The following PMEPA1 variants were observed in gnomAD, a reference collection of about 807,000 sequenced individuals.
PMEPA1 encodes prostate transmembrane protein, androgen induced 1.
A neutral mutation model predicts 23.0 loss-of-function variants in PMEPA1; 11 were observed. That is an observed-to-expected ratio of 0.48 (90% CI 0.30 to 0.79). The LOEUF is 0.79. PMEPA1 is among the 30% of genes least tolerant of loss of function. PMEPA1 has a pLI of 0.06. For synonymous variants in PMEPA1, 204 were observed against 166.4 expected, an observed-to-expected ratio of 1.23 and a Z score of -1.74; for missense variants, 377 against 390.9, an observed-to-expected ratio of 0.96 and a Z score of 0.30.
chr20:57,659,513 AG>A (rs1339835200), intron 2 of PMEPA1, 29 bp downstream of exon 2: 6 of 1,606,614 alleles, frequency 3.7e-6, no homozygotes, highest in Non-Finnish European at 5.1e-6. Flanking sequence ...CCGCACCCTC[AG>A]GCCACAGATG....
In PMEPA1 at chr20:57,648,647, G is replaced by A. The variant is rs983339176; in HGVS notation, c.*3406C>T. On this transcript the variant is annotated 3_prime_UTR_variant, in exon 4 of 4. Coordinates refer to ENST00000341744, the MANE Select transcript of PMEPA1 (RefSeq NM_020182.5). The stretch of plus-strand genomic sequence containing the variant: ...AGCAGTTCCCACGCCAGGAACCAAC[G>A]TGAAAGCATTGGAATCAGCACAACA... The A allele has an allele frequency of 5.9e-5, 9 of 152,452 alleles. No individual in the cohort carries two copies. Among genetic ancestry groups the A allele is most frequent in the African/African-American group, 2.2e-4 (9 of 41,552 alleles). 9.4% of individuals were successfully genotyped at this position (152,452 alleles called of 1,614,324 possible).
chr20:57,689,371 T>G (rs955471898), intron 1 of PMEPA1, among the ~76,000 whole-genome samples: 1 of 152,160 alleles, frequency 6.6e-6, no homozygotes, highest in Non-Finnish European at 1.5e-5. Flanking sequence ...GGGTATTGTG[T>G]GACCAGGACA....
At chr20:57,700,290 T>C (rs2071994036) in intron 1 of PMEPA1, 1 of 374,928 alleles carries the variant, frequency 2.7e-6, no homozygotes, top group South Asian at 2.0e-5. Context: ...AGGTACACAA[T>C]AACTCCACTT....
chr20:57,654,160 G>A (rs570661548), intron 2 of PMEPA1, among the ~76,000 whole-genome samples: 1 of 152,284 alleles, frequency 6.6e-6, no homozygotes, highest in Non-Finnish European at 1.5e-5. Context: ...CAGTTCCTCT[G>A]AGTTTCCCCA....
chr20:57,659,619 C>T lies in PMEPA1; in HGVS notation c.188G>A (p.Ser63Asn), dbSNP rs2071382286. ...VMVVVITCLLSHYKLSARSFI... is the reference protein window; with the variant it reads ...VMVVVITCLLNHYKLSARSFI... ...GGACCGTGCAGACAGCTTGTAGTGGCTCAGCAGGCACGTGATCACCACCAC... is the reference window on the plus strand; with the variant it reads ...GGACCGTGCAGACAGCTTGTAGTGGTTCAGCAGGCACGTGATCACCACCAC... Residue 63 changes from serine to asparagine, a missense_variant, in exon 2 of 4, where the codon AGC (serine) becomes AAC (asparagine). Ser to Asn is a conservative substitution (Grantham distance 46). Transcript: ENST00000341744. 6.2e-7 allele frequency: 1 copy of T among 1,613,086 alleles called. No homozygotes were observed. Among genetic ancestry groups the T allele is most frequent in the Non-Finnish European group, 8.5e-7 (1 of 1,179,692 alleles).
intron 1 of PMEPA1, among the ~76,000 whole-genome samples, chr20:57,694,137 T>C (rs1048002728): frequency 1.3e-5 from 2 of 152,166 alleles, no homozygotes; most frequent in Admixed American, 6.5e-5. Context: ...GACCTTCAAA[T>C]AGCTGGGTGA....
rs2072141747 is a variant in PMEPA1, at chr20:57,709,675, G to T, written c.-93C>A. 2 of 975,642 alleles carry T rather than the reference G, an allele frequency of 2.0e-6. No homozygotes were observed. Among genetic ancestry groups the T allele is most frequent in the Admixed American group, 1.3e-4 (2 of 15,574 alleles). 60.4% of individuals were successfully genotyped at this position (975,642 alleles called of 1,614,324 possible). ...GCCCGGAGCTGGGGCCCCGCATGCA[G>T]GAGGCGCGCGGCGGGGGAGGCGCGC... is the stretch of plus-strand genomic sequence containing the variant. On this transcript the variant is annotated 5_prime_UTR_variant, in exon 1 of 4. It adds an upstream start codon to the 5' untranslated region. Coordinates refer to ENST00000341744, the MANE Select transcript of PMEPA1 (RefSeq NM_020182.5).
intron 1 of PMEPA1, among the ~76,000 whole-genome samples, chr20:57,694,949 CT>C (rs991098118): frequency 6.6e-6 from 1 of 152,094 alleles, no homozygotes; most frequent in African/African-American, 2.4e-5. Flanking sequence ...CTGCTCTTTT[CT>C]TCTTCTTCTT....
At position 57,652,515 on chromosome 20, in the gene PMEPA1, C is replaced by T. The variant is rs1340170081; in HGVS notation, c.402G>A (p.Gln134=). The part of the protein sequence containing the change: ...FAQRERFHRF[Q]PTYPYLQHEI... ...CGTGCTGCAGGTACGGATAGGTGGG[C>T]TGGAAGCGGTGGAAGCGCTCCCGCT... Residue 134 remains glutamine, a synonymous_variant, in exon 4 of 4, where the codon CAG becomes CAA. Coordinates refer to ENST00000341744, the MANE Select transcript of PMEPA1 (RefSeq NM_020182.5). This position sits in a 1 kb window ranked among gnomAD's most constrained non-coding sequence, Gnocchi z 6.1. 1.3e-6 allele frequency: 2 copies of T among 1,580,462 alleles called. No homozygotes were observed. Among genetic ancestry groups the T allele is most frequent in the African/African-American group, 2.7e-5 (2 of 74,156 alleles).
intron 1 of PMEPA1, among the ~76,000 whole-genome samples, chr20:57,663,723 C>T (rs1459373426): frequency 3.3e-5 from 5 of 152,188 alleles, no homozygotes; most frequent in African/African-American, 9.6e-5. Flanking sequence ...GAGCAGAGGC[C>T]GGAACCCAGA....
chr20:57,657,277 A>T (rs972803824), intron 2 of PMEPA1, among the ~76,000 whole-genome samples: 6 of 152,126 alleles, frequency 3.9e-5, no homozygotes, highest in African/African-American at 1.4e-4. Flanking sequence ...TCCAGCCTGG[A>T]GTTAGTGCCC....
intron 1 of PMEPA1, among the ~76,000 whole-genome samples, chr20:57,667,795 T>G (rs1460134660): frequency 6.6e-6 from 1 of 152,072 alleles, no homozygotes; most frequent in African/African-American, 2.4e-5. Context: ...GCCACTTCAT[T>G]TACTGCCCTC....
chr20:57,702,495 A>G (rs957191978), intron 1 of PMEPA1, among the ~76,000 whole-genome samples: 12 of 152,156 alleles, frequency 7.9e-5, no homozygotes, highest in Admixed American at 2.6e-4. Flanking sequence ...GAGGTGGCCA[A>G]TTCGTATGTG....
chr20:57,675,266 T>C (rs1228025932), intron 1 of PMEPA1, among the ~76,000 whole-genome samples: 1 of 152,092 alleles, frequency 6.6e-6, no homozygotes, highest in Non-Finnish European at 1.5e-5. Flanking sequence ...TTCTCACTAG[T>C]CACAAGAGTG....
intron 1 of PMEPA1, among the ~76,000 whole-genome samples, chr20:57,675,969 G>GT: frequency 6.6e-6 from 1 of 152,124 alleles, no homozygotes; most frequent in African/African-American, 2.4e-5. Flanking sequence ...GCCTCTCCCT[G>GT]TCCCCGCCCC....
chr20:57,666,554 G>C (rs1373783564), intron 1 of PMEPA1, among the ~76,000 whole-genome samples: 1 of 152,162 alleles, frequency 6.6e-6, no homozygotes, highest in African/African-American at 2.4e-5. Context: ...TCCTGAGTGT[G>C]ATTATCCCAA....
rs570477302 is a variant in PMEPA1 at position 57,653,445 on chromosome 20, C to T, written c.265-359G>A. Among the ~76,000 whole-genome samples, 6 of 152,340 alleles carry T rather than the reference C, an allele frequency of 3.9e-5. No homozygotes were observed. The East Asian group carries it at 1.2e-3, about 29-fold the overall frequency. The stretch of plus-strand genomic sequence containing the variant: ...CATGGCCTCAGCCCCTCACCCCTGG[C>T]CCCACTCCCCTGGGCCTGGGCCCCC... On this transcript the variant is annotated intron_variant, in intron 2 of 3. Transcript: ENST00000341744.
chr20:57,691,435 C>CT (rs1332858435), intron 1 of PMEPA1, among the ~76,000 whole-genome samples: 1 of 152,162 alleles, frequency 6.6e-6, no homozygotes, highest in Non-Finnish European at 1.5e-5. Context: ...CCCAGACTGA[C>CT]TGAGAGTTGA....
chr20:57,701,994 T>C (rs1321835981), intron 1 of PMEPA1, among the ~76,000 whole-genome samples: 2 of 152,170 alleles, frequency 1.3e-5, no homozygotes, highest in African/African-American at 4.8e-5. Context: ...GCCAGGGTGC[T>C]CCTGGGCCCC....
Sources: allele counts gnomAD v4.1 joint callset (sites outside exome capture counted in the v4.1 genomes callset), GRCh38; gene constraint gnomAD v4.1.1; non-coding constraint Gnocchi (gnomAD v3.1); transcripts MANE v1.5; gene names NCBI Gene and HGNC (gene_info 2026-07-23, HGNC 2026-07-21).